GPC5: variants seen among roughly 807,000 people sequenced by gnomAD.
GPC5 encodes the protein glypican 5.
GPC5 carries 47 observed loss-of-function variants against 53.9 expected under a neutral mutation model. That is an observed-to-expected ratio of 0.87 (90% CI 0.69 to 1.11). GPC5 has a LOEUF of 1.11. Among genes scored for constraint, GPC5 ranks in the 50% most tolerant of loss-of-function variants. The pLI is 0.00. For synonymous variants in GPC5, 286 were observed against 263.3 expected (o/e 1.09, Z -0.84); for missense variants, 748 against 713.1 (o/e 1.05, Z -0.56).
intron 7 of GPC5, among the ~76,000 whole-genome samples, chr13:92,305,632 G>A (rs2043105712): frequency 6.6e-6 from 1 of 152,076 alleles, no homozygotes; most frequent in Non-Finnish European, 1.5e-5. Context: ...TTAAATGTAT[G>A]TCCACAATTT....
intron 7 of GPC5, among the ~76,000 whole-genome samples, chr13:92,838,839 T>G (rs942127088): frequency 4.6e-5 from 7 of 152,208 alleles, no homozygotes; most frequent in African/African-American, 1.4e-4. Context: ...GCGATTACAT[T>G]ACTCATAAAT....
chr13:92,718,216 A>C (rs752803757), intron 7 of GPC5, among the ~76,000 whole-genome samples: 2 of 152,168 alleles, frequency 1.3e-5, no homozygotes, highest in Non-Finnish European at 2.9e-5. Flanking sequence ...ACCCAAAAGA[A>C]AGGAAATCAG....
In GPC5 at chr13:92,381,917, TA is replaced by T. The variant is rs1246081950; in HGVS notation, c.1561+236930del. On this transcript the variant is annotated intron_variant, in intron 7 of 7. Transcript: ENST00000377067. ...TATATAATCATATATATGATATATA[TA>T]ATCATATATATGATTATATATGAAA... 2.0e-3 allele frequency among the ~76,000 whole-genome samples: 240 copies of T among 117,926 alleles called. 8 individuals carry two copies. Among genetic ancestry groups the T allele is most frequent in the African/African-American group, 9.9e-3 (230 of 23,122 alleles). The allele number at this position is 117,926 out of a possible 152,430, so 77.4% of individuals were successfully genotyped here. A position where few individuals can be genotyped will look rare whatever the true frequency, so the allele number is the denominator to read the frequency against.
intron 1 of GPC5, among the ~76,000 whole-genome samples, chr13:91,401,265 T>C (rs1876929402): frequency 6.6e-6 from 1 of 151,998 alleles, no homozygotes; most frequent in Admixed American, 6.6e-5. Flanking sequence ...AATATTAAAC[T>C]TTTTTAAACA....
chr13:91,867,867 A>G (rs2039101278), intron 5 of GPC5, among the ~76,000 whole-genome samples: 1 of 152,230 alleles, frequency 6.6e-6, no homozygotes, highest in African/African-American at 2.4e-5. Flanking sequence ...TCCCACTGGA[A>G]ATGCTGTCTG....
chr13:91,425,427 T>C (rs1464713537), intron 1 of GPC5, among the ~76,000 whole-genome samples: 1 of 152,168 alleles, frequency 6.6e-6, no homozygotes, highest in Admixed American at 6.5e-5. Context: ...TGGGAAGTGA[T>C]TGGATCATGG....
chr13:91,799,723 G>A (rs967014131), intron 5 of GPC5, among the ~76,000 whole-genome samples: 1 of 152,034 alleles, frequency 6.6e-6, no homozygotes, highest in Non-Finnish European at 1.5e-5. Flanking sequence ...TCCTCCAACA[G>A]TATTTGTTGA....
intron 2 of GPC5, among the ~76,000 whole-genome samples, chr13:91,645,394 G>A (rs559204780): frequency 6.6e-6 from 1 of 151,848 alleles, no homozygotes; most frequent in African/African-American, 2.4e-5. Flanking sequence ...AGCTTTTCTT[G>A]GTCATTGTTT....
intron 7 of GPC5, among the ~76,000 whole-genome samples, chr13:92,664,089 A>C (rs1816324976): frequency 6.6e-6 from 1 of 151,584 alleles, no homozygotes; most frequent in South Asian, 2.1e-4. Flanking sequence ...AAAAGATGGC[A>C]AACAATATGG....
At chr13:91,701,490 T>C (rs1268762646) in intron 3 of GPC5, among the ~76,000 whole-genome samples, 1 of 152,108 alleles carries the variant, frequency 6.6e-6, no homozygotes, top group Admixed American at 6.6e-5. Context: ...CCTTCTAGAT[T>C]CGTGCATGTT....
At chr13:91,435,731 T>C (rs1460281975) in intron 1 of GPC5, among the ~76,000 whole-genome samples, 2 of 152,206 alleles carry the variant, frequency 1.3e-5, no homozygotes, top group African/African-American at 4.8e-5. Context: ...TCCCTCTTTT[T>C]CTATTGATTG....
At chr13:91,719,058 C>T (rs2036408440) in intron 3 of GPC5, among the ~76,000 whole-genome samples, 1 of 151,714 alleles carries the variant, frequency 6.6e-6, no homozygotes, top group Admixed American at 6.6e-5. Flanking sequence ...AAAAAAAAAC[C>T]TACATTTATT....
chr13:91,545,618 G>C (rs577205373), intron 2 of GPC5, among the ~76,000 whole-genome samples: 1 of 151,964 alleles, frequency 6.6e-6, no homozygotes, highest in Non-Finnish European at 1.5e-5. Flanking sequence ...CTGACTGTAG[G>C]TACAGTGATG....
chr13:92,844,820 T>C (rs1878558079), intron 7 of GPC5, among the ~76,000 whole-genome samples: 1 of 152,178 alleles, frequency 6.6e-6, no homozygotes. Flanking sequence ...TGTTTACTGA[T>C]TTCAAATATT....
At chr13:92,735,627 C>T (rs531793728) in intron 7 of GPC5, among the ~76,000 whole-genome samples, 16 of 151,956 alleles carry the variant, frequency 1.1e-4, no homozygotes, top group African/African-American at 3.4e-4. Flanking sequence ...AAATGTTATC[C>T]ACATCATATT....
intron 7 of GPC5, among the ~76,000 whole-genome samples, chr13:92,581,595 A>G (rs1883371381): frequency 6.6e-6 from 1 of 152,146 alleles, no homozygotes; most frequent in African/African-American, 2.4e-5. Context: ...AAGTGGTGGA[A>G]TTACTGGATC....
chr13:91,700,523 T>C (rs1255041836), intron 3 of GPC5, among the ~76,000 whole-genome samples: 2 of 152,196 alleles, frequency 1.3e-5, no homozygotes, highest in Non-Finnish European at 2.9e-5. Flanking sequence ...TCCATCACGT[T>C]TGTGGACATC....
intron 6 of GPC5, among the ~76,000 whole-genome samples, chr13:91,950,911 T>A (rs1181195548): frequency 6.6e-6 from 1 of 152,158 alleles, no homozygotes. Flanking sequence ...ACCCAGGGAC[T>A]ATGGCTACAG....
At chr13:92,283,619 G>T (rs1197661319) in intron 7 of GPC5, among the ~76,000 whole-genome samples, 1 of 152,182 alleles carries the variant, frequency 6.6e-6, no homozygotes, top group Non-Finnish European at 1.5e-5. Context: ...CATGGAAACT[G>T]AACAACCTGC....
Sources: gnomAD v4.1 joint callset for allele counts (sites outside exome capture counted in the v4.1 genomes callset) on GRCh38, gnomAD v4.1.1 for gene constraint, MANE v1.5 for transcripts, NCBI Gene and HGNC (gene_info 2026-07-23, HGNC 2026-07-21) for gene names.